The following MARCHF10 variants were observed in gnomAD, a reference collection of about 807,000 sequenced individuals.
MARCHF10 encodes membrane associated ring-CH-type finger 10, also known as probable E3 ubiquitin-protein ligase MARCHF10.
In MARCHF10, 64 loss-of-function variants were observed where a neutral mutation model predicts 76.2. The ratio of observed to expected loss-of-function variants is 0.84; its 90% CI spans 0.69 to 1.03. The LOEUF (loss-of-function observed/expected upper bound fraction) is 1.03, where lower values mean the gene tolerates loss of function less well. Among genes scored for constraint, MARCHF10 ranks in the 50% least tolerant of loss-of-function variants. The pLI, the probability that MARCHF10 is intolerant of heterozygous loss-of-function variation, is 0.00. For missense variants in MARCHF10, 875 were observed against 958.0 expected, an observed-to-expected ratio of 0.91 and a Z score of 1.14; for synonymous variants, 340 against 357.5, an observed-to-expected ratio of 0.95 and a Z score of 0.55.
intron 2 of MARCHF10, among the ~76,000 whole-genome samples, chr17:62,796,580 A>C (rs1369193254): frequency 6.6e-6 from 1 of 152,250 alleles, no homozygotes; most frequent in Non-Finnish European, 1.5e-5. Context: ...GTTGATAGCC[A>C]AGTTAGGCAA....
At chr17:62,774,357 G>A (rs996238362) in intron 3 of MARCHF10, among the ~76,000 whole-genome samples, 2 of 152,076 alleles carry the variant, frequency 1.3e-5, no homozygotes, top group Admixed American at 6.6e-5. Context: ...GAGATGTGGT[G>A]GGGACAGAGA....
intron 2 of MARCHF10, among the ~76,000 whole-genome samples, chr17:62,793,076 TCACCACCACCACCTCCATTAC>T (rs1568219041): frequency 2.7e-5 from 3 of 109,660 alleles, no homozygotes; most frequent in African/African-American, 1.1e-4. Context: ...AACACCTCCA[TCACCACCACCACCTCCATTAC>T]CACCACCACC....
intron 2 of MARCHF10, among the ~76,000 whole-genome samples, chr17:62,793,334 A>C (rs1165230756): frequency 2.5e-4 from 19 of 76,408 alleles, no homozygotes; most frequent in Admixed American, 2.6e-4. Flanking sequence ...CCACCACCAC[A>C]AACACCATCA....
At chr17:62,733,464 G>A (rs541033348) in intron 6 of MARCHF10, among the ~76,000 whole-genome samples, 51 of 151,566 alleles carry the variant, frequency 3.4e-4, no homozygotes, top group Non-Finnish European at 6.0e-4. Flanking sequence ...CAATCAATAC[G>A]AATGTTGTCA....
chr17:62,749,206 A>AG (rs5821370), intron 4 of MARCHF10, among the ~76,000 whole-genome samples: 100,385 of 151,896 alleles, frequency 0.66, 33,514 homozygotes, highest in African/African-American at 0.77. Context: ...TGACCAGGAA[A>AG]GGGAAAAAAA....
intron 3 of MARCHF10, among the ~76,000 whole-genome samples, chr17:62,776,930 GCTGGCTGGCTACTCTGGT>G (rs1389474040): frequency 6.6e-6 from 1 of 152,170 alleles, no homozygotes; most frequent in Non-Finnish European, 1.5e-5. Context: ...GCTTTATTTA[GCTGGCTGGCTACTCTGGT>G]CACCACTTGT....
chr17:62,773,372 C>A (rs1325854590), intron 3 of MARCHF10, among the ~76,000 whole-genome samples: 2 of 152,122 alleles, frequency 1.3e-5, no homozygotes, highest in Non-Finnish European at 2.9e-5. Flanking sequence ...TGCTGAAGAG[C>A]CATTTCTGTG....
At chr17:62,756,404 C>A (rs781707329) in intron 4 of MARCHF10, among the ~76,000 whole-genome samples, 1 of 152,082 alleles carries the variant, frequency 6.6e-6, no homozygotes, top group African/African-American at 2.4e-5. Flanking sequence ...TATGATTGCA[C>A]CAGTACACTT....
intron 2 of MARCHF10, among the ~76,000 whole-genome samples, chr17:62,792,703 T>C (rs1475319194): frequency 1.3e-4 from 11 of 86,214 alleles, no homozygotes; most frequent in South Asian, 9.0e-4. Context: ...ATCACCTCCA[T>C]CACTACAACC....
intron 2 of MARCHF10, among the ~76,000 whole-genome samples, chr17:62,792,790 T>TCAC (rs1293324220): frequency 7.1e-5 from 3 of 42,414 alleles, no homozygotes; most frequent in Non-Finnish European, 1.3e-4. Flanking sequence ...ACCACCTCCA[T>TCAC]CACCACCACC....
chr17:62,803,753 T>C (rs1477016671), intron 1 of MARCHF10, among the ~76,000 whole-genome samples: 7 of 152,078 alleles, frequency 4.6e-5, no homozygotes, highest in African/African-American at 1.7e-4. Context: ...TGACGTCAGG[T>C]GATCTGCCCA....
intron 2 of MARCHF10, among the ~76,000 whole-genome samples, chr17:62,790,410 A>C (rs190528254): frequency 4.6e-5 from 7 of 152,326 alleles, no homozygotes; most frequent in African/African-American, 1.7e-4. Flanking sequence ...TCCTGACCTC[A>C]GGTGATCGGC....
At chr17:62,771,490 ATCC>A (rs1410902862) in intron 3 of MARCHF10, among the ~76,000 whole-genome samples, 3 of 152,090 alleles carry the variant, frequency 2.0e-5, no homozygotes, top group Non-Finnish European at 2.9e-5. Flanking sequence ...CGTTGGTTAC[ATCC>A]TCAAGCTAAA....
rs544047436 is a variant in MARCHF10, at chr17:62,727,269, C to CA, written c.1938-2166dup. On this transcript the variant is annotated intron_variant, in intron 6 of 10. Transcript: ENST00000311269. ...GGGATCCACTGGCTACCCTACTTTG[C>CA]AAAAAAATTTTTTTTAACAAATAAA... Among the ~76,000 whole-genome samples the CA allele has an allele frequency of 6.4e-4, 97 of 152,036 alleles. 3 individuals carry two copies. The South Asian group carries it at 0.02, about 31-fold the overall frequency.
At chr17:62,737,366 T>G (rs763801522) in intron 5 of MARCHF10, 34 bp from the exon 6 acceptor site, 1 of 1,585,876 alleles carries the variant, frequency 6.3e-7, no homozygotes. Flanking sequence ...ATCGTTCCAG[T>G]AAAAGGGCCC....
At chr17:62,702,000 A>T (rs543905583) in intron 10 of MARCHF10, among the ~76,000 whole-genome samples, 1 of 152,190 alleles carries the variant, frequency 6.6e-6, no homozygotes, top group Admixed American at 6.5e-5. Context: ...CATCTTGGTC[A>T]TCTCCACGTC....
At chr17:62,701,902 T>TG in intron 10 of MARCHF10, 144 bp from the exon 11 acceptor site, 1 of 1,087,860 alleles carries the variant, frequency 9.2e-7, no homozygotes. Flanking sequence ...TGGAACCGTG[T>TG]GGGGAACAGA....
In MARCHF10 at chr17:62,744,389, A is replaced by T. The variant is rs1163612645; in HGVS notation, c.522T>A (p.Val174=). Residue 174 remains valine, a synonymous_variant, in exon 5 of 11, where the codon GTT becomes GTA. Transcript: ENST00000311269. ...CCGGGTCCTTACCTGCTCCCCTGGG[A>T]ACCGGCACCTTTGCAGGCCACTGCT... ...QKQQWPAKVP[V]PRGADQVVQQ... The T allele has an allele frequency of 6.2e-7, 1 of 1,613,942 alleles. No individual in the cohort carries two copies. Among genetic ancestry groups the T allele is most frequent in the South Asian group, 1.1e-5 (1 of 90,964 alleles).
At chr17:62,732,455 T>G (rs1265737492) in intron 6 of MARCHF10, among the ~76,000 whole-genome samples, 2 of 152,226 alleles carry the variant, frequency 1.3e-5, no homozygotes, top group East Asian at 3.9e-4. Context: ...AAAGGAGAGG[T>G]GGCTGTGCAG....
Sources: allele counts gnomAD v4.1 joint callset (sites outside exome capture counted in the v4.1 genomes callset), GRCh38; gene constraint gnomAD v4.1.1; transcripts MANE v1.5; gene names NCBI Gene and HGNC (gene_info 2026-07-23, HGNC 2026-07-21).